Variants in BMP3 observed in about 807,000 individuals in gnomAD.
BMP3 encodes bone morphogenetic protein 3, also known as bone morphogenetic protein 3 (osteogenic).
Under a neutral mutation model 38.1 loss-of-function variants are expected in BMP3, and 23 were observed. The ratio of observed to expected loss-of-function variants is 0.60; its 90% CI spans 0.43 to 0.86. The LOEUF (loss-of-function observed/expected upper bound fraction) is 0.86, where lower values mean the gene tolerates loss of function less well. BMP3 is among the 40% of genes least tolerant of loss of function. The probability of loss-of-function intolerance (pLI) is 0.00; values close to 1 mark genes in which losing one functional copy is unlikely to be tolerated. For synonymous variants in BMP3, 258 were observed against 225.7 expected (o/e 1.14, Z -1.28); for missense variants, 628 against 579.6 (o/e 1.08, Z -0.86).
In BMP3 at chr4:81,055,693, G is replaced by A. The variant is rs1164470484; in HGVS notation, c.*2157G>A. ...TGGCAATTCCCAGTATCACTTCTTA[G>A]CCTTCTTATATCCAAATGCCTGTTT... is the stretch of plus-strand genomic sequence containing the variant. On this transcript the variant is annotated 3_prime_UTR_variant, in exon 3 of 3. Coordinates refer to ENST00000282701, the MANE Select transcript of BMP3 (RefSeq NM_001201.5). The A allele has an allele frequency of 1.3e-5, 2 of 151,972 alleles. No homozygotes were observed. The highest frequency in any genetic ancestry group is 4.8e-5 in the African/African-American group (2 of 41,356). The allele number at this position is 151,972 out of a possible 1,614,324, so 9.4% of individuals were successfully genotyped here. A position where few individuals can be genotyped will look rare whatever the true frequency, so the allele number is the denominator to read the frequency against.
intron 1 of BMP3, 137 bp from the exon 2 acceptor site, chr4:81,045,601 A>G: frequency 3.1e-6 from 2 of 635,020 alleles, no homozygotes; most frequent in Non-Finnish European, 4.9e-6. Context: ...ATGAAGATTT[A>G]CCCCTAGGTT....
chr4:81,047,947 G>GAA (rs3042535), intron 2 of BMP3, among the ~76,000 whole-genome samples: 8 of 91,548 alleles, frequency 8.7e-5, no homozygotes, highest in African/African-American at 3.1e-4. Context: ...ACTCTGAAGA[G>GAA]AAAAAAAAAA....
At chr4:81,037,437 G>A (rs748736280) in intron 1 of BMP3, 2 of 203,402 alleles carry the variant, frequency 9.8e-6, no homozygotes, top group Middle Eastern at 4.7e-4. Context: ...TGGCTGAACC[G>A]CTAAGAAGTA....
rs925021782 is a variant in BMP3 at position 81,045,696 on chromosome 4, T to C, written c.317-42T>C. The C allele has an allele frequency of 4.2e-6, 6 of 1,438,272 alleles. No individual in the cohort carries two copies. In the African/African-American group the frequency reaches 4.3e-5, roughly 10 times the overall value. The allele number at this position is 1,438,272 out of a possible 1,614,324, so 89.1% of individuals were successfully genotyped here. A position where few individuals can be genotyped will look rare whatever the true frequency, so the allele number is the denominator to read the frequency against. ...TAATTGTCATATAGTGAAGTAATGGTCTTGTTTTCTCCTGTTTACTCTCTT... is the reference window on the plus strand; with the variant it reads ...TAATTGTCATATAGTGAAGTAATGGCCTTGTTTTCTCCTGTTTACTCTCTT... On this transcript the variant is annotated intron_variant, in intron 1 of 2. Coordinates refer to ENST00000282701, the MANE Select transcript of BMP3 (RefSeq NM_001201.5).
At chr4:81,031,621 T>C (rs1298192036) in intron 1 of BMP3, 21 bp downstream of exon 1, 2 of 1,548,114 alleles carry the variant, frequency 1.3e-6, no homozygotes, top group East Asian at 2.3e-5. Context: ...GAGGTGAGAC[T>C]CCCTTCCCGC....
intron 1 of BMP3, among the ~76,000 whole-genome samples, chr4:81,038,136 T>A (rs1029122436): frequency 6.6e-6 from 1 of 152,168 alleles, no homozygotes; most frequent in Non-Finnish European, 1.5e-5. Flanking sequence ...GGCCTATCCA[T>A]AAACAAATGG....
rs185811219 is a variant in BMP3, at chr4:81,054,300, T to C, written c.*764T>C. On this transcript the variant is annotated 3_prime_UTR_variant, in exon 3 of 3. Transcript: ENST00000282701. ...GTTACCACTTGACCCAGCTATTTAA[T>C]TGCAAATACAGTTGTTTTCATTTCA... The C allele has an allele frequency of 1.2e-4, 18 of 152,742 alleles. No individual in the cohort carries two copies. The East Asian group carries it at 3.3e-3, about 28-fold the overall frequency. The allele number at this position is 152,742 out of a possible 1,614,324, so 9.5% of individuals were successfully genotyped here. A position where few individuals can be genotyped will look rare whatever the true frequency, so the allele number is the denominator to read the frequency against.
chr4:81,046,063 G>A lies in BMP3; in HGVS notation c.642G>A (p.Glu214=). 2.5e-6 allele frequency: 4 copies of A among 1,614,146 alleles called. No individual in the cohort carries two copies. The highest frequency in any genetic ancestry group is 2.5e-6 in the Non-Finnish European group (3 of 1,179,998). ...QLLRKAKENE[E]FLIGFNITSK... Reference sequence around the variant, plus strand: ...TGAGGAAGGCCAAAGAAAATGAAGAGTTCCTCATAGGATTTAACATTACGT... The same window carrying A: ...TGAGGAAGGCCAAAGAAAATGAAGAATTCCTCATAGGATTTAACATTACGT... The change falls in exon 2 of 3, where the codon GAG becomes GAA. Residue 214 remains glutamate (E), a synonymous_variant. Coordinates refer to ENST00000282701, the MANE Select transcript of BMP3 (RefSeq NM_001201.5).
At chr4:81,048,815 C>A (rs1358119928) in intron 2 of BMP3, among the ~76,000 whole-genome samples, 1 of 152,066 alleles carries the variant, frequency 6.6e-6, no homozygotes, top group Non-Finnish European at 1.5e-5. Context: ...GGCAAATTGC[C>A]CTGGATTTAG....
At chr4:81,046,755 C>T (rs1302197125) in intron 2 of BMP3, 107 bp downstream of exon 2, 1 of 1,307,708 alleles carries the variant, frequency 7.6e-7, no homozygotes, top group Non-Finnish European at 1.0e-6. Flanking sequence ...GTTTGTGTTT[C>T]CATTTGCAAA....
At position 81,037,661 on chromosome 4, in the gene BMP3, A is replaced by G. The variant is rs78392688; in HGVS notation, c.316+6061A>G. Among the ~76,000 whole-genome samples, 1,119 of 152,264 alleles carry G rather than the reference A, an allele frequency of 7.3e-3. 15 individuals carry two copies. Among genetic ancestry groups the G allele is most frequent in the African/African-American group, 0.025 (1,038 of 41,576 alleles). On this transcript the variant is annotated intron_variant, in intron 1 of 2. Coordinates refer to ENST00000282701, the MANE Select transcript of BMP3 (RefSeq NM_001201.5). The stretch of plus-strand genomic sequence containing the variant: ...TCTGGCTTTCCACAAAGCATTAAAC[A>G]TATCTCAAATGTTGATAATATGTAC...
rs1740464841 is a variant in BMP3, at chr4:81,053,641, T to C, written c.*105T>C. 1 of 625,688 alleles carries C rather than the reference T, an allele frequency of 1.6e-6. No individual in the cohort carries two copies. Among genetic ancestry groups the C allele is most frequent in the African/African-American group, 1.9e-5 (1 of 52,060 alleles). The allele number at this position is 625,688 out of a possible 1,614,324, so 38.8% of individuals were successfully genotyped here. A position where few individuals can be genotyped will look rare whatever the true frequency, so the allele number is the denominator to read the frequency against. ...TTTTTTGCACTGCCAATGCATTTTGTTTCAAAAGATTATTTCTATAGTCAG... is the reference window on the plus strand; with the variant it reads ...TTTTTTGCACTGCCAATGCATTTTGCTTCAAAAGATTATTTCTATAGTCAG... On this transcript the variant is annotated 3_prime_UTR_variant, in exon 3 of 3. Coordinates refer to ENST00000282701, the MANE Select transcript of BMP3 (RefSeq NM_001201.5).
chr4:81,030,925 G>A lies in BMP3; in HGVS notation c.-360G>A, dbSNP rs1387938018. On this transcript the variant is annotated 5_prime_UTR_variant, in exon 1 of 3. Transcript: ENST00000282701. Reference sequence around the variant, plus strand: ...AGTCCCTCGCGCGGCCAGTTTGGCCGGGTGTTCCCAAAAATAAAGCGAGGA... The same window carrying A: ...AGTCCCTCGCGCGGCCAGTTTGGCCAGGTGTTCCCAAAAATAAAGCGAGGA... 6 of 217,400 alleles carry A rather than the reference G, an allele frequency of 2.8e-5. No individual in the cohort carries two copies. In the Admixed American group the frequency reaches 2.8e-4, roughly 10 times the overall value. 13.5% of individuals were successfully genotyped at this position (217,400 alleles called of 1,614,324 possible). A position where few individuals can be genotyped will look rare whatever the true frequency, so the allele number is the denominator to read the frequency against.
intron 2 of BMP3, among the ~76,000 whole-genome samples, chr4:81,047,938 C>T (rs1357212229): frequency 1.2e-5 from 1 of 82,808 alleles, no homozygotes; most frequent in African/African-American, 4.1e-5. Flanking sequence ...GAGACCCTGA[C>T]TCTGAAGAGA....
chr4:81,031,698 T>G, intron 1 of BMP3, 98 bp downstream of exon 1: 4 of 1,375,254 alleles, frequency 2.9e-6, no homozygotes, highest in Non-Finnish European at 3.8e-6. Context: ...TTGGTGGCGC[T>G]GCCTAGGGAC....
At position 81,031,138 on chromosome 4, in the gene BMP3, T is replaced by A. The variant is rs771348796; in HGVS notation, c.-147T>A. On this transcript the variant is annotated 5_prime_UTR_variant, in exon 1 of 3. Transcript: ENST00000282701. The stretch of plus-strand genomic sequence containing the variant: ...GCAGCAAGTGGGGCTGGCCGCTATC[T>A]CGCTGCACCCGGCCGCGTCCCGGGC... 204 of 849,018 alleles carry A rather than the reference T, an allele frequency of 2.4e-4. No homozygotes were observed. The highest frequency in any genetic ancestry group is 3.4e-4 in the Non-Finnish European group (196 of 568,566). The allele number at this position is 849,018 out of a possible 1,614,324, so 52.6% of individuals were successfully genotyped here.
chr4:81,046,147 A>T lies in BMP3; in HGVS notation c.726A>T (p.Val242=). The change falls in exon 2 of 3, where the codon GTA becomes GTT. Residue 242 remains valine, a synonymous_variant. Coordinates refer to ENST00000282701, the MANE Select transcript of BMP3 (RefSeq NM_001201.5). ...CTTTTCCAGAGCCTTATATCTTGGT[A>T]TATGCCAATGATGCCGCCATTTCTG... ...RLPFPEPYIL[V]YANDAAISEP... is the part of the protein sequence containing the mutation. The T allele has an allele frequency of 6.2e-7, 1 of 1,614,112 alleles. No individual in the cohort carries two copies. Among genetic ancestry groups the T allele is most frequent in the Non-Finnish European group, 8.5e-7 (1 of 1,180,024 alleles).
At chr4:81,032,859 C>T (rs1217169725) in intron 1 of BMP3, among the ~76,000 whole-genome samples, 1 of 152,188 alleles carries the variant, frequency 6.6e-6, no homozygotes, top group Admixed American at 6.5e-5. Flanking sequence ...CTGAACTGAA[C>T]CAGATTTTAC....
At chr4:81,042,368 G>A (rs1406635847) in intron 1 of BMP3, among the ~76,000 whole-genome samples, 3 of 152,004 alleles carry the variant, frequency 2.0e-5, no homozygotes, top group African/African-American at 4.8e-5. Flanking sequence ...ATTAATCCTC[G>A]CAACAACTCT....
Sources: allele counts gnomAD v4.1 joint callset (sites outside exome capture counted in the v4.1 genomes callset), GRCh38; gene constraint gnomAD v4.1.1; transcripts MANE v1.5; gene names NCBI Gene and HGNC (gene_info 2026-07-23, HGNC 2026-07-21).